AKT3: variants seen among roughly 807,000 people sequenced by gnomAD.
AKT3 encodes the protein AKT serine/threonine kinase 3.
AKT3 carries 15 observed loss-of-function variants against 65.3 expected under a neutral mutation model. The observed-to-expected ratio is 0.23, with a 90% CI of 0.15 to 0.35. AKT3 has a LOEUF of 0.35. AKT3 is among the 10% of genes least tolerant of loss of function. AKT3 has a pLI of 1.00. For missense variants in AKT3, 243 were observed against 576.5 expected (o/e 0.42, Z 5.92); for synonymous variants, 206 against 183.8 (o/e 1.12, Z -0.98).
At chr1:243,659,538 T>C (rs766187227) in intron 4 of AKT3, among the ~76,000 whole-genome samples, 7 of 152,114 alleles carry the variant, frequency 4.6e-5, no homozygotes, top group Non-Finnish European at 1.0e-4. Flanking sequence ...ATTAAGGCCA[T>C]GTGGTGTTAA....
chr1:243,696,835 T>C (rs1480182569), intron 2 of AKT3, among the ~76,000 whole-genome samples: 1 of 152,060 alleles, frequency 6.6e-6, no homozygotes, highest in Non-Finnish European at 1.5e-5. Flanking sequence ...TCCATCCTAA[T>C]GTATCTATCA....
chr1:243,811,082 A>G (rs1035234955), intron 2 of AKT3, among the ~76,000 whole-genome samples: 8 of 152,194 alleles, frequency 5.3e-5, no homozygotes, highest in African/African-American at 1.9e-4. Flanking sequence ...GAATGGGCAA[A>G]AACTGGAAGC....
chr1:243,823,368 A>G (rs964340997), intron 2 of AKT3, among the ~76,000 whole-genome samples: 1 of 152,196 alleles, frequency 6.6e-6, no homozygotes, highest in African/African-American at 2.4e-5. Context: ...CTGGCACAAG[A>G]CAAGGATGCC....
At chr1:243,765,174 A>T (rs1689736519) in intron 2 of AKT3, among the ~76,000 whole-genome samples, 1 of 152,122 alleles carries the variant, frequency 6.6e-6, no homozygotes, top group African/African-American at 2.4e-5. Flanking sequence ...TATGGCTTAC[A>T]GTAATACATT....
chr1:243,675,564 C>A (rs190517173), intron 3 of AKT3, among the ~76,000 whole-genome samples: 24 of 152,314 alleles, frequency 1.6e-4, no homozygotes, highest in Admixed American at 1.4e-3. Flanking sequence ...CTGCCCCATT[C>A]CTCTCCTTCG....
intron 4 of AKT3, among the ~76,000 whole-genome samples, chr1:243,650,788 C>T (rs1053994483): frequency 6.6e-6 from 1 of 152,130 alleles, no homozygotes; most frequent in Non-Finnish European, 1.5e-5. Flanking sequence ...TAGTAGCATG[C>T]TGTTTTTGTT....
chr1:243,824,438 C>T (rs1178791300), intron 2 of AKT3, among the ~76,000 whole-genome samples: 1 of 152,038 alleles, frequency 6.6e-6, no homozygotes, highest in African/African-American at 2.4e-5. Context: ...AGAGCTTCTG[C>T]ACAGCAAAAG....
At chr1:243,702,982 A>G (rs561194720) in intron 2 of AKT3, 16 of 152,220 alleles carry the variant, frequency 1.1e-4, no homozygotes, top group Non-Finnish European at 1.9e-4. Flanking sequence ...ATAAATGTAC[A>G]TGCTTCAAGA....
intron 6 of AKT3, among the ~76,000 whole-genome samples, chr1:243,635,609 G>A (rs12408239): frequency 0.011 from 1,705 of 151,676 alleles, 26 homozygotes; most frequent in Admixed American, 0.041. Flanking sequence ...CACTGATATG[G>A]GTGTTAAAAT....
At chr1:243,499,326 C>G (rs746170984), downstream of AKT3, among the ~76,000 whole-genome samples, 4 of 152,072 alleles carry the variant, frequency 2.6e-5, no homozygotes, top group Non-Finnish European at 4.4e-5. Context: ...TATTGTTTCA[C>G]GAGGAATTTC....
At chr1:243,792,476 T>A (rs1030270474) in intron 2 of AKT3, among the ~76,000 whole-genome samples, 1 of 152,144 alleles carries the variant, frequency 6.6e-6, no homozygotes. Flanking sequence ...GGGAAAAATA[T>A]ACCATGAAAG....
At chr1:243,664,360 C>T (rs1278270205) in intron 4 of AKT3, among the ~76,000 whole-genome samples, 2 of 151,502 alleles carry the variant, frequency 1.3e-5, no homozygotes, top group African/African-American at 2.4e-5. Context: ...CCACGCCTGG[C>T]TGATTTTTTG....
chr1:243,522,008 T>A (rs1304082572), intron 12 of AKT3, among the ~76,000 whole-genome samples: 2 of 152,224 alleles, frequency 1.3e-5, no homozygotes, highest in Non-Finnish European at 2.9e-5. Flanking sequence ...CAGTTATACC[T>A]GGAGAGGATT....
intron 2 of AKT3, among the ~76,000 whole-genome samples, chr1:243,728,762 T>C (rs1391938081): frequency 1.3e-5 from 2 of 152,186 alleles, no homozygotes; most frequent in African/African-American, 4.8e-5. Flanking sequence ...CACAAACTCA[T>C]TTGCAGTCTA....
intron 2 of AKT3, 32 bp downstream of exon 2, chr1:243,843,093 A>T: frequency 6.2e-7 from 1 of 1,611,756 alleles, no homozygotes; most frequent in South Asian, 1.1e-5. Context: ...ACTCTTACCA[A>T]CCGTATTATT....
intron 2 of AKT3, among the ~76,000 whole-genome samples, chr1:243,815,973 A>C (rs1693495517): frequency 6.6e-6 from 1 of 152,154 alleles, no homozygotes; most frequent in Non-Finnish European, 1.5e-5. Context: ...TTTCAATACA[A>C]TAAGGTTTTA....
At chr1:243,677,595 G>C (rs1158093815) in intron 3 of AKT3, among the ~76,000 whole-genome samples, 1 of 151,584 alleles carries the variant, frequency 6.6e-6, no homozygotes, top group Non-Finnish European at 1.5e-5. Context: ...TCATATTTTT[G>C]ATTTTGGAGC....
intron 3 of AKT3, among the ~76,000 whole-genome samples, chr1:243,691,175 A>C (rs1220427021): frequency 6.6e-6 from 1 of 152,232 alleles, no homozygotes; most frequent in Non-Finnish European, 1.5e-5. Context: ...ATTCCAATCG[A>C]AGGGAACAGC....
At chr1:243,782,898 G>T (rs1482537563) in intron 2 of AKT3, among the ~76,000 whole-genome samples, 2 of 152,066 alleles carry the variant, frequency 1.3e-5, no homozygotes, top group African/African-American at 2.4e-5. Flanking sequence ...CTCCAAGATG[G>T]CTTCTAATGA....
Sources: allele counts gnomAD v4.1 joint callset (sites outside exome capture counted in the v4.1 genomes callset), GRCh38; gene constraint gnomAD v4.1.1; transcripts MANE v1.5; gene names NCBI Gene and HGNC (gene_info 2026-07-23, HGNC 2026-07-21).